AFG2A: variants seen among roughly 807,000 people sequenced by gnomAD.
AFG2A encodes the protein AAA ATPase AFG2A.
At chr4:123,012,900 C>T in the AFG2A span, among the ~76,000 whole-genome samples, 3 of 151,788 alleles carry the variant, frequency 2.0e-5, no homozygotes, top group Non-Finnish European at 2.9e-5. Flanking sequence ...AGGAGAATAG[C>T]GGACTGATCT....
chr4:123,208,857 C>T, the AFG2A span, among the ~76,000 whole-genome samples: 2 of 152,146 alleles, frequency 1.3e-5, no homozygotes, highest in African/African-American at 2.4e-5. Context: ...TCCTGGCATG[C>T]AACTCCTAAA....
chr4:122,923,117 T>C, the AFG2A span: 1 of 1,612,984 alleles, frequency 6.2e-7, no homozygotes, highest in Non-Finnish European at 8.5e-7. Context: ...GCTTTTCTAC[T>C]GCTTCGGCTA....
chr4:123,061,243 G>C, the AFG2A span, among the ~76,000 whole-genome samples: 2 of 152,064 alleles, frequency 1.3e-5, no homozygotes, highest in African/African-American at 4.8e-5. Context: ...ACCTTCACCT[G>C]TTACTCAGTT....
chr4:123,096,796 T>G, the AFG2A span, among the ~76,000 whole-genome samples: 2 of 152,156 alleles, frequency 1.3e-5, no homozygotes, highest in African/African-American at 2.4e-5. Context: ...GTAGAAGTCT[T>G]AAATAATTTT....
the AFG2A span, among the ~76,000 whole-genome samples, chr4:123,103,974 C>T: frequency 6.6e-6 from 1 of 152,082 alleles, no homozygotes; most frequent in Non-Finnish European, 1.5e-5. Context: ...AATTTCACCA[C>T]AGAGCAGCAA....
At chr4:122,948,823 G>A in the AFG2A span, among the ~76,000 whole-genome samples, 3 of 152,120 alleles carry the variant, frequency 2.0e-5, no homozygotes, top group South Asian at 6.2e-4. Context: ...AGGTGCATCT[G>A]CCATATACTC....
the AFG2A span, among the ~76,000 whole-genome samples, chr4:123,011,289 A>C: frequency 6.6e-6 from 1 of 152,242 alleles, no homozygotes. Context: ...CCCTTCAGCC[A>C]GTCTTGGCAG....
chr4:122,993,955 C>T, the AFG2A span, among the ~76,000 whole-genome samples: 1 of 151,834 alleles, frequency 6.6e-6, no homozygotes. Context: ...TATTTATATC[C>T]TTAGTACTTA....
At chr4:123,263,251 C>T in the AFG2A span, among the ~76,000 whole-genome samples, 1 of 152,170 alleles carries the variant, frequency 6.6e-6, no homozygotes, top group Non-Finnish European at 1.5e-5. Context: ...AAAAGGTGTT[C>T]CTTCACCCCA....
chr4:123,197,799 A>C, the AFG2A span, among the ~76,000 whole-genome samples: 2 of 152,168 alleles, frequency 1.3e-5, no homozygotes, highest in African/African-American at 2.4e-5. Flanking sequence ...ATAAATAAGC[A>C]TACATACTTT....
chr4:123,211,858 C>G, the AFG2A span, among the ~76,000 whole-genome samples: 1 of 152,032 alleles, frequency 6.6e-6, no homozygotes, highest in Admixed American at 6.6e-5. Flanking sequence ...TATTTGTGAC[C>G]AGCAGATTAC....
chr4:123,049,411 T>G, the AFG2A span, among the ~76,000 whole-genome samples: 1 of 152,158 alleles, frequency 6.6e-6, no homozygotes, highest in African/African-American at 2.4e-5. Flanking sequence ...TTTGAAATAT[T>G]AATAATTAGC....
chr4:123,103,655 G>A, the AFG2A span, among the ~76,000 whole-genome samples: 1 of 151,920 alleles, frequency 6.6e-6, no homozygotes, highest in African/African-American at 2.4e-5. Context: ...CTCAGTCCTA[G>A]GTATTTACCC....
chr4:123,185,698 T>A, the AFG2A span, among the ~76,000 whole-genome samples: 1 of 152,170 alleles, frequency 6.6e-6, no homozygotes, highest in Non-Finnish European at 1.5e-5. Flanking sequence ...ATGAAGGAGT[T>A]CTTATGATTC....
At chr4:123,285,499 C>T in the AFG2A span, among the ~76,000 whole-genome samples, 2 of 152,128 alleles carry the variant, frequency 1.3e-5, no homozygotes, top group Non-Finnish European at 2.9e-5. Flanking sequence ...ACTTTTGAGT[C>T]CTTAATACAG....
At chr4:123,029,333 A>G in the AFG2A span, among the ~76,000 whole-genome samples, 10 of 152,256 alleles carry the variant, frequency 6.6e-5, no homozygotes, top group African/African-American at 2.4e-4. Context: ...CGGCCTCCCA[A>G]AGTGCTGGGA....
the AFG2A span, among the ~76,000 whole-genome samples, chr4:123,006,752 T>C: frequency 6.6e-6 from 1 of 152,172 alleles, no homozygotes; most frequent in Non-Finnish European, 1.5e-5. Context: ...ATGTTTCCTT[T>C]ATTTGCACAA....
At chr4:123,096,879 T>C in the AFG2A span, among the ~76,000 whole-genome samples, 1 of 152,126 alleles carries the variant, frequency 6.6e-6, no homozygotes, top group African/African-American at 2.4e-5. Context: ...TTCCTTACAG[T>C]TTTTCTGGAA....
At chr4:122,972,972 A>G in the AFG2A span, among the ~76,000 whole-genome samples, 1,540 of 152,148 alleles carry the variant, frequency 0.01, 37 homozygotes, top group African/African-American at 0.035. Context: ...GGTATCTTCT[A>G]TATATTCTTT....
Sources: gnomAD v4.1 joint callset for allele counts (sites outside exome capture counted in the v4.1 genomes callset) on GRCh38, gnomAD v4.1.1 for gene constraint, MANE v1.5 for transcripts, NCBI Gene and HGNC (gene_info 2026-07-23, HGNC 2026-07-21) for gene names.